Variants in CACNA2D3 observed in about 807,000 individuals in gnomAD.
CACNA2D3 encodes the protein calcium voltage-gated channel auxiliary subunit alpha2delta 3, also known as voltage-dependent calcium channel subunit alpha-2/delta-3.
CACNA2D3 carries 60 observed loss-of-function variants against 160.6 expected under a neutral mutation model. That is an observed-to-expected ratio of 0.37 (90% CI 0.30 to 0.46). CACNA2D3 has a LOEUF of 0.46. CACNA2D3 is among the 20% of genes least tolerant of loss of function. The probability of loss-of-function intolerance (pLI) is 1.00; values close to 1 mark genes in which losing one functional copy is unlikely to be tolerated. For missense variants in CACNA2D3, 1,205 were observed against 1,365.0 expected (o/e 0.88, Z 1.85); for synonymous variants, 558 against 492.9 (o/e 1.13, Z -1.75).
intron 4 of CACNA2D3, among the ~76,000 whole-genome samples, chr3:54,475,089 C>T (rs995928565): frequency 2.0e-5 from 3 of 152,140 alleles, no homozygotes; most frequent in African/African-American, 4.8e-5. Flanking sequence ...TTGCACATTG[C>T]GTCAAGTCAG....
intron 27 of CACNA2D3, among the ~76,000 whole-genome samples, chr3:54,916,187 C>T (rs1337970590): frequency 6.6e-6 from 1 of 152,184 alleles, no homozygotes; most frequent in Non-Finnish European, 1.5e-5. Flanking sequence ...CACAAGAACG[C>T]CTTGCACTGT....
intron 2 of CACNA2D3, among the ~76,000 whole-genome samples, chr3:54,277,314 A>C (rs1702770676): frequency 6.6e-6 from 1 of 152,230 alleles, no homozygotes. Context: ...ATACGATGTC[A>C]CGAAGGGGTC....
chr3:54,168,139 T>C (rs1700493858), intron 2 of CACNA2D3, among the ~76,000 whole-genome samples: 1 of 152,202 alleles, frequency 6.6e-6, no homozygotes, highest in Non-Finnish European at 1.5e-5. Context: ...AGGGCTGTTC[T>C]ATTTGATTCC....
At chr3:54,703,475 G>A (rs571020540) in intron 11 of CACNA2D3, among the ~76,000 whole-genome samples, 3 of 152,030 alleles carry the variant, frequency 2.0e-5, no homozygotes, top group Non-Finnish European at 2.9e-5. Context: ...AATTGGAATG[G>A]TGGCCACCTT....
chr3:55,018,191 C>T lies in CACNA2D3; in HGVS notation c.2876-15C>T. On this transcript the variant is annotated splice_polypyrimidine_tract_variant and intron_variant, in intron 34 of 37. Coordinates refer to ENST00000474759, the MANE Select transcript of CACNA2D3 (RefSeq NM_018398.3). ...CTTGCATTCTTTACCTTTTTTTTTC[C>T]CACTATCCCTACAGCCCAGAAATTG... is the stretch of plus-strand genomic sequence containing the variant. 1.3e-6 allele frequency: 2 copies of T among 1,554,352 alleles called. No individual in the cohort carries two copies. The highest frequency in any genetic ancestry group is 1.8e-6 in the Non-Finnish European group (2 of 1,129,236).
intron 35 of CACNA2D3, among the ~76,000 whole-genome samples, chr3:55,064,021 A>G (rs1704576489): frequency 6.6e-6 from 1 of 152,110 alleles, no homozygotes; most frequent in Non-Finnish European, 1.5e-5. Flanking sequence ...TTTATTTGCC[A>G]TTTTAATATT....
intron 2 of CACNA2D3, among the ~76,000 whole-genome samples, chr3:54,223,984 G>A (rs570650410): frequency 6.6e-6 from 1 of 151,428 alleles, no homozygotes; most frequent in Non-Finnish European, 1.5e-5. Context: ...CAAACCTATT[G>A]TACAGCTGTA....
At chr3:54,541,081 T>C (rs960422177) in intron 5 of CACNA2D3, among the ~76,000 whole-genome samples, 2 of 151,726 alleles carry the variant, frequency 1.3e-5, no homozygotes, top group African/African-American at 2.4e-5. Context: ...ATTGAGACCA[T>C]CCTGGCTAAC....
intron 3 of CACNA2D3, among the ~76,000 whole-genome samples, chr3:54,363,404 G>A (rs1229332498): frequency 6.6e-6 from 1 of 152,096 alleles, no homozygotes; most frequent in African/African-American, 2.4e-5. Flanking sequence ...CCAGTTCCTT[G>A]CACTCTAGAG....
At chr3:55,061,839 G>A (rs1704516182) in intron 35 of CACNA2D3, among the ~76,000 whole-genome samples, 1 of 152,198 alleles carries the variant, frequency 6.6e-6, no homozygotes, top group Non-Finnish European at 1.5e-5. Context: ...AGCATGCCTG[G>A]ACAGGACTAG....
At chr3:54,828,527 C>T (rs187394448) in intron 14 of CACNA2D3, among the ~76,000 whole-genome samples, 28 of 152,222 alleles carry the variant, frequency 1.8e-4, no homozygotes, top group Non-Finnish European at 1.0e-4. Flanking sequence ...ATGACATATC[C>T]TAGAATCACT....
At chr3:54,351,977 C>A (rs1278096869) in intron 3 of CACNA2D3, among the ~76,000 whole-genome samples, 2 of 152,222 alleles carry the variant, frequency 1.3e-5, no homozygotes, top group Non-Finnish European at 1.5e-5. Context: ...TCAGAGTCTG[C>A]AGCAAATTCT....
At chr3:54,668,957 C>T (rs575825880) in intron 11 of CACNA2D3, among the ~76,000 whole-genome samples, 2 of 152,366 alleles carry the variant, frequency 1.3e-5, no homozygotes, top group East Asian at 1.9e-4. Context: ...ATACACCTTC[C>T]AGATTTCAAT....
intron 4 of CACNA2D3, among the ~76,000 whole-genome samples, chr3:54,482,335 CACTT>C (rs1700947315): frequency 1.3e-5 from 2 of 152,162 alleles, no homozygotes; most frequent in African/African-American, 4.8e-5. Context: ...GCTTCCGTAA[CACTT>C]AGTTATTCTA....
intron 3 of CACNA2D3, chr3:54,386,060 C>T: frequency 2.3e-6 from 1 of 442,024 alleles, no homozygotes. Context: ...AAATGGGTTT[C>T]ATAAGAATAT....
intron 2 of CACNA2D3, among the ~76,000 whole-genome samples, chr3:54,220,658 T>C (rs1276721533): frequency 1.3e-5 from 2 of 152,042 alleles, no homozygotes; most frequent in Admixed American, 1.3e-4. Context: ...TAGCTTCAGG[T>C]CTTAGCCCCC....
intron 27 of CACNA2D3, among the ~76,000 whole-genome samples, chr3:54,942,209 T>C (rs1701488350): frequency 6.6e-6 from 1 of 152,186 alleles, no homozygotes; most frequent in African/African-American, 2.4e-5. Context: ...CCCAGGTGTG[T>C]CAGTGCTTTT....
At chr3:54,263,811 C>A (rs1418252856) in intron 2 of CACNA2D3, among the ~76,000 whole-genome samples, 1 of 152,154 alleles carries the variant, frequency 6.6e-6, no homozygotes. Flanking sequence ...TGCTGAATAC[C>A]ATCTACATAA....
At chr3:54,476,045 G>GTT (rs1700824800) in intron 4 of CACNA2D3, among the ~76,000 whole-genome samples, 1 of 45,972 alleles carries the variant, frequency 2.2e-5, no homozygotes. Flanking sequence ...CTGTAAGTTT[G>GTT]ATTTTTTTTT....
Sources: gnomAD v4.1 joint callset for allele counts (sites outside exome capture counted in the v4.1 genomes callset) on GRCh38, gnomAD v4.1.1 for gene constraint, MANE v1.5 for transcripts, NCBI Gene and HGNC (gene_info 2026-07-23, HGNC 2026-07-21) for gene names.